The following ULK4 variants were observed in gnomAD, a reference collection of about 807,000 sequenced individuals.
ULK4 encodes the protein inactive serine/threonine-protein kinase ULK4.
Under a neutral mutation model 160.6 loss-of-function variants are expected in ULK4, and 133 were observed. That is an observed-to-expected ratio of 0.83 (90% CI 0.72 to 0.96). The LOEUF is 0.96. Ranked by LOEUF, ULK4 falls within the 40% of genes least tolerant of loss-of-function variation. The pLI, the probability that ULK4 is intolerant of heterozygous loss-of-function variation, is 0.00. For missense variants in ULK4, 1,580 were observed against 1,499.5 expected (o/e 1.05, Z -0.89); for synonymous variants, 534 against 539.8 (o/e 0.99, Z 0.15).
chr3:41,506,755 A>G (rs2085384297), intron 32 of ULK4, among the ~76,000 whole-genome samples: 2 of 76,534 alleles, frequency 2.6e-5, no homozygotes, highest in Non-Finnish European at 5.5e-5. Flanking sequence ...AATACACTGG[A>G]GTGTGATTTA....
chr3:41,833,284 T>C (rs1219415704), intron 18 of ULK4, among the ~76,000 whole-genome samples: 1 of 137,474 alleles, frequency 7.3e-6, no homozygotes, highest in African/African-American at 3.1e-5. Context: ...GTTTTTTTTT[T>C]TGTTTTTTTT....
chr3:41,537,200 T>TG (rs1553607989), intron 32 of ULK4, among the ~76,000 whole-genome samples: 5 of 151,960 alleles, frequency 3.3e-5, no homozygotes, highest in African/African-American at 9.7e-5. Context: ...CCATTTTTTT[T>TG]TTGTTGCCAT....
chr3:41,682,736 G>A (rs1279204346), intron 27 of ULK4, among the ~76,000 whole-genome samples: 1 of 152,198 alleles, frequency 6.6e-6, no homozygotes, highest in Non-Finnish European at 1.5e-5. Context: ...ACTAAGTGAT[G>A]TCACATCACT....
At chr3:41,336,086 T>A (rs894265580) in intron 35 of ULK4, among the ~76,000 whole-genome samples, 1 of 152,154 alleles carries the variant, frequency 6.6e-6, no homozygotes. Context: ...GTCCTTGACC[T>A]AAACTTACTC....
intron 34 of ULK4, among the ~76,000 whole-genome samples, chr3:41,426,905 A>G (rs1379073194): frequency 1.3e-5 from 2 of 152,216 alleles, no homozygotes; most frequent in Admixed American, 6.5e-5. Flanking sequence ...AAGACAAGAA[A>G]TAACCAAGAT....
intron 32 of ULK4, among the ~76,000 whole-genome samples, chr3:41,524,735 C>A (rs539643270): frequency 6.6e-6 from 1 of 152,016 alleles, no homozygotes; most frequent in South Asian, 2.1e-4. Flanking sequence ...GTCAGGAGAT[C>A]GAGACCATCC....
At chr3:41,265,112 G>A (rs1046547493) in intron 35 of ULK4, among the ~76,000 whole-genome samples, 1 of 152,224 alleles carries the variant, frequency 6.6e-6, no homozygotes, top group African/African-American at 2.4e-5. Context: ...GGAGAGTGGA[G>A]GCTGGGCCAG....
At chr3:41,280,615 A>C (rs1218840343) in intron 35 of ULK4, among the ~76,000 whole-genome samples, 1 of 152,254 alleles carries the variant, frequency 6.6e-6, no homozygotes, top group Non-Finnish European at 1.5e-5. Context: ...ACCAATGAGA[A>C]CAAAGACACA....
intron 35 of ULK4, among the ~76,000 whole-genome samples, chr3:41,280,415 C>T (rs1439494848): frequency 7.3e-6 from 1 of 137,904 alleles, no homozygotes; most frequent in Non-Finnish European, 1.5e-5. Flanking sequence ...GGAAGTAAAG[C>T]ACTCCTGAGC....
At chr3:41,847,328 C>A (rs1307917553) in intron 17 of ULK4, among the ~76,000 whole-genome samples, 1 of 152,186 alleles carries the variant, frequency 6.6e-6, no homozygotes. Flanking sequence ...AATTTGCTTG[C>A]TCTTGACTCT....
intron 30 of ULK4, among the ~76,000 whole-genome samples, chr3:41,631,004 A>G (rs1271854556): frequency 6.6e-6 from 1 of 152,234 alleles, no homozygotes; most frequent in Non-Finnish European, 1.5e-5. Context: ...AATCTCTAAC[A>G]TCAAGCTGAA....
chr3:41,852,543 T>TA (rs1163108257), intron 17 of ULK4, among the ~76,000 whole-genome samples: 5 of 152,088 alleles, frequency 3.3e-5, no homozygotes, highest in Non-Finnish European at 7.4e-5. Flanking sequence ...AATGCATACT[T>TA]AAATTTGCAA....
chr3:41,530,307 C>G (rs1000276922), intron 32 of ULK4, among the ~76,000 whole-genome samples: 5 of 152,148 alleles, frequency 3.3e-5, no homozygotes, highest in African/African-American at 1.2e-4. Flanking sequence ...GCTATTAGAA[C>G]ACATTCAAAA....
At chr3:41,673,331 T>A (rs563047175) in intron 29 of ULK4, among the ~76,000 whole-genome samples, 1 of 152,042 alleles carries the variant, frequency 6.6e-6, no homozygotes, top group Admixed American at 6.6e-5. Flanking sequence ...AGAAATCAGG[T>A]AGTCAAACGC....
intron 19 of ULK4, among the ~76,000 whole-genome samples, chr3:41,813,580 C>A (rs1314603359): frequency 6.6e-6 from 1 of 152,082 alleles, no homozygotes; most frequent in Admixed American, 6.5e-5. Flanking sequence ...TATATGTTAT[C>A]TTTGAAATGT....
At chr3:41,300,090 G>A (rs569746845) in intron 35 of ULK4, among the ~76,000 whole-genome samples, 6 of 152,210 alleles carry the variant, frequency 3.9e-5, no homozygotes, top group South Asian at 2.1e-4. Context: ...TTCATCACAC[G>A]CTTGCCAGCA....
intron 19 of ULK4, among the ~76,000 whole-genome samples, chr3:41,811,438 G>A (rs533339576): frequency 6.6e-6 from 1 of 152,286 alleles, no homozygotes; most frequent in South Asian, 2.1e-4. Context: ...GATTACAGGT[G>A]TGATTGAGCC....
intron 35 of ULK4, among the ~76,000 whole-genome samples, chr3:41,394,272 A>G (rs1275646091): frequency 1.3e-5 from 2 of 152,158 alleles, no homozygotes; most frequent in East Asian, 3.9e-4. Flanking sequence ...CAGAAGGACA[A>G]AGAGGAAGAC....
At position 41,800,180 on chromosome 3, in the gene ULK4, G is replaced by C. The variant is rs751294699; in HGVS notation, c.1962C>G (p.Tyr654Ter). The C allele has an allele frequency of 3.1e-6, 5 of 1,613,558 alleles. No individual in the cohort carries two copies. The African/African-American group carries it at 6.7e-5, about 22-fold the overall frequency. Reference protein sequence around the residue: ...ITGEIGPILWYLFRHSTADSL... With the variant: ...ITGEIGPILW Reference sequence around the variant, plus strand: ...AATCAGCAGTGGAGTGTCTGAATAGGTACCACAAAATGGGTCCTATTTCTC... The same window carrying C: ...AATCAGCAGTGGAGTGTCTGAATAGCTACCACAAAATGGGTCCTATTTCTC... The change falls in exon 20 of 37, where the codon TAC becomes TAG. Residue 654 changes from tyrosine (Y) to a stop codon, truncating the protein, a stop_gained. Coordinates refer to ENST00000301831, the MANE Select transcript of ULK4 (RefSeq NM_017886.4). LOFTEE classifies it high-confidence loss of function.
Sources: allele counts gnomAD v4.1 joint callset (sites outside exome capture counted in the v4.1 genomes callset), GRCh38; gene constraint gnomAD v4.1.1; transcripts MANE v1.5; gene names NCBI Gene and HGNC (gene_info 2026-07-23, HGNC 2026-07-21).